LSS: variants seen among roughly 807,000 people sequenced by gnomAD.
LSS encodes the protein lanosterol synthase.
LSS carries 90 observed loss-of-function variants against 110.3 expected under a neutral mutation model. The observed-to-expected ratio is 0.82, with a 90% CI of 0.69 to 0.97. The LOEUF is 0.97. Among genes scored for constraint, LSS ranks in the 50% least tolerant of loss-of-function variants. The pLI is 0.00. For synonymous variants in LSS, 433 were observed against 400.0 expected (o/e 1.08, Z -0.98); for missense variants, 927 against 990.0 (o/e 0.94, Z 0.85).
Position 46,191,206 on chromosome 21 carries a change from G to A in LSS, c.2097C>T (p.Ser699=). 5 of 1,614,100 alleles carry A rather than the reference G, an allele frequency of 3.1e-6. No homozygotes were observed. The highest frequency in any genetic ancestry group is 1.3e-5 in the African/African-American group (1 of 75,022). The change falls in exon 22 of 22, where the codon TCC becomes TCT. Residue 699 remains serine (S), a synonymous_variant. Coordinates refer to ENST00000397728, the MANE Select transcript of LSS (RefSeq NM_002340.6). ...TGTAGCTCGTGTAGGAGATGGCACAGGACTTGTTGAAGACCCCAGCAATGT... is the reference window on the plus strand; with the variant it reads ...TGTAGCTCGTGTAGGAGATGGCACAAGACTTGTTGAAGACCCCAGCAATGT... ...QENIAGVFNK[S]CAISYTSYRN... is the part of the protein sequence containing the mutation.
chr21:46,219,139 C>G (rs1390268791), intron 6 of LSS, among the ~76,000 whole-genome samples: 2 of 152,176 alleles, frequency 1.3e-5, no homozygotes. Flanking sequence ...CAACACAGGA[C>G]GCCCCTGTGC....
chr21:46,217,925 C>T (rs2080227641), intron 6 of LSS, among the ~76,000 whole-genome samples: 1 of 152,198 alleles, frequency 6.6e-6, no homozygotes, highest in South Asian at 2.1e-4. Flanking sequence ...CCTAACCCTG[C>T]CCCCTACTCT....
chr21:46,201,113 C>T (rs1390329987), intron 17 of LSS, among the ~76,000 whole-genome samples: 5 of 139,366 alleles, frequency 3.6e-5, no homozygotes, highest in Non-Finnish European at 7.5e-5. Flanking sequence ...CAGGGTAGAG[C>T]CTGGATCATG....
At chr21:46,207,656 C>T in intron 14 of LSS, 79 bp from the exon 15 acceptor site, 1 of 1,480,880 alleles carries the variant, frequency 6.8e-7, no homozygotes, top group Non-Finnish European at 9.1e-7. Context: ...CCGCACGCAT[C>T]CCTCCCCACC....
chr21:46,204,986 G>A (rs1003956957), intron 17 of LSS, among the ~76,000 whole-genome samples: 1 of 152,126 alleles, frequency 6.6e-6, no homozygotes, highest in African/African-American at 2.4e-5. Context: ...GTCTACACCA[G>A]GTTGAACAAA....
Position 46,221,786 on chromosome 21 carries a change from G to A in LSS, c.550+68C>T, listed in dbSNP as rs2839157. 4.4e-6 allele frequency: 7 copies of A among 1,603,968 alleles called. No individual in the cohort carries two copies. In the Admixed American group the frequency reaches 6.7e-5, roughly 15 times the overall value. ...AGCTGCAAGTGCATCTTTCTGTATC[G>A]CGTTTGTGAGAGCTCATTATCGAGT... On this transcript the variant is annotated intron_variant, in intron 5 of 21. Coordinates refer to ENST00000397728, the MANE Select transcript of LSS (RefSeq NM_002340.6).
At chr21:46,201,169 T>G in intron 17 of LSS, among the ~76,000 whole-genome samples, 1 of 109,818 alleles carries the variant, frequency 9.1e-6, no homozygotes. Context: ...CTGGATCACG[T>G]GGGAGGACAG....
In LSS at chr21:46,216,440, G is replaced by A. The variant is rs138974013; in HGVS notation, c.732C>T (p.Tyr244=). Residue 244 remains tyrosine, a synonymous_variant, in exon 7 of 22, where the codon TAC becomes TAT. Coordinates refer to ENST00000397728, the MANE Select transcript of LSS (RefSeq NM_002340.6). This position sits in a 1 kb window ranked among gnomAD's most constrained non-coding sequence, Gnocchi z 4.2. ...RQVYLPMSYC[Y]AVRLSAAEDP... The stretch of plus-strand genomic sequence containing the variant: ...CTTCCGCGGCACTCAGCCGAACGGC[G>A]TAGCAGTAGCTCATGGGCAGGTACA... 2.3e-4 allele frequency: 370 copies of A among 1,613,802 alleles called. 3 individuals are homozygous for A. Among genetic ancestry groups the A allele is most frequent in the South Asian group, 1.5e-3 (134 of 91,082 alleles).
chr21:46,212,980 C>G, intron 11 of LSS, 45 bp downstream of exon 11: 1 of 1,612,056 alleles, frequency 6.2e-7, no homozygotes, highest in South Asian at 1.1e-5. Flanking sequence ...AAAGGGGAGA[C>G]ATGATTGCAA....
At position 46,188,733 on chromosome 21, in the gene LSS, T is replaced by G. The variant is rs897599298; in HGVS notation, c.*2371A>C. On this transcript the variant is annotated 3_prime_UTR_variant, in exon 22 of 22. Coordinates refer to ENST00000397728, the MANE Select transcript of LSS (RefSeq NM_002340.6). ...CACAGATGTGATTTCTAAAGAAGAC[T>G]GAAGGCAGGGATACTGACACTGAAG... 2 of 471,082 alleles carry G rather than the reference T, an allele frequency of 4.2e-6. No homozygotes were observed. The highest frequency in any genetic ancestry group is 4.0e-5 in the African/African-American group (2 of 50,084). The allele number at this position is 471,082 out of a possible 1,614,324, so 29.2% of individuals were successfully genotyped here. A position where few individuals can be genotyped will look rare whatever the true frequency, so the allele number is the denominator to read the frequency against.
intron 10 of LSS, 95 bp from the exon 11 acceptor site, chr21:46,213,147 C>T (rs745475201): frequency 7.8e-5 from 95 of 1,211,598 alleles, no homozygotes; most frequent in Non-Finnish European, 1.0e-4. Flanking sequence ...CCAGAGAGGC[C>T]GTCTGTCCCC....
At chr21:46,204,217 C>T (rs930269796) in intron 17 of LSS, among the ~76,000 whole-genome samples, 7 of 152,132 alleles carry the variant, frequency 4.6e-5, no homozygotes. Flanking sequence ...ATCGCTTGAA[C>T]CCCGGAAACG....
At chr21:46,214,503 CTCAG>C (rs1208180895) in intron 9 of LSS, among the ~76,000 whole-genome samples, 4 of 152,200 alleles carry the variant, frequency 2.6e-5, no homozygotes, top group Admixed American at 1.3e-4. Flanking sequence ...CAGGGTGGGA[CTCAG>C]TGGCCCAGTG....
chr21:46,188,876 C>A lies in LSS; in HGVS notation c.*2228G>T. On this transcript the variant is annotated 3_prime_UTR_variant, in exon 22 of 22. Coordinates refer to ENST00000397728, the MANE Select transcript of LSS (RefSeq NM_002340.6). ...AGTTCCTCCTATGTGGACATTGTAT[C>A]ACGTTTATTTATCTTCCTGGATATG... 2.3e-6 allele frequency: 1 copy of A among 435,460 alleles called. No individual in the cohort carries two copies. Among genetic ancestry groups the A allele is most frequent in the Non-Finnish European group, 4.8e-6 (1 of 207,794 alleles). 27.0% of individuals were successfully genotyped at this position (435,460 alleles called of 1,614,324 possible).
Position 46,221,974 on chromosome 21 carries a change from G to A in LSS, c.430C>T (p.His144Tyr). 2.5e-6 allele frequency: 4 copies of A among 1,614,136 alleles called. No individual in the cohort carries two copies. Among genetic ancestry groups the A allele is most frequent in the Non-Finnish European group, 3.4e-6 (4 of 1,180,024 alleles). Reference protein sequence around the residue: ...VQLPDGGWGLHIEDKSTVFGT... With the variant: ...VQLPDGGWGLYIEDKSTVFGT... ...AACACGGTGGACTTATCCTCAATGT[G>A]CCTACAGGAGCAGAGGACAGGTGAG... Residue 144 changes from histidine to tyrosine, a missense_variant and splice_region_variant, in exon 5 of 22, where the codon CAC becomes TAC. Physicochemically the swap from His to Tyr is moderately conservative, Grantham distance 83 (BLOSUM62 2). Transcript: ENST00000397728.
rs1174337900 is a variant in LSS at position 46,222,738 on chromosome 21, C to T, written c.320G>A (p.Gly107Asp). 6.2e-7 allele frequency: 1 copy of T among 1,612,328 alleles called. No homozygotes were observed. Among genetic ancestry groups the T allele is most frequent in the Non-Finnish European group, 8.5e-7 (1 of 1,178,950 alleles). ...TGCCACGTGGCAAGTGATCAGGAGG[C>T]CTGTGTGGCAGGAGAGATGTTCCTC... ...DYGGPLFLLP[G>D]LLITCHVARI... The change falls in exon 4 of 22, where the codon GGC becomes GAC. Residue 107 changes from glycine (G) to aspartate (D), a missense_variant and splice_region_variant. Coordinates refer to ENST00000397728, the MANE Select transcript of LSS (RefSeq NM_002340.6).
intron 17 of LSS, among the ~76,000 whole-genome samples, chr21:46,203,560 G>C (rs2080007421): frequency 6.6e-6 from 1 of 152,258 alleles, no homozygotes; most frequent in Non-Finnish European, 1.5e-5. Context: ...TTTTATTACA[G>C]TGATTTTTAA....
Position 46,209,265 on chromosome 21 carries a change from G to C in LSS, c.1266+289C>G, listed in dbSNP as rs912727267. 6.6e-6 allele frequency among the ~76,000 whole-genome samples: 1 copy of C among 152,136 alleles called. No individual in the cohort carries two copies. Among genetic ancestry groups the C allele is most frequent in the African/African-American group, 2.4e-5 (1 of 41,422 alleles). The stretch of plus-strand genomic sequence containing the variant: ...GTGCAGCTCAGGGTACACAGCCCCT[G>C]CCCGTGCCTGGCCCTTGCACACAGT... On this transcript the variant is annotated intron_variant, in intron 13 of 21. Coordinates refer to ENST00000397728, the MANE Select transcript of LSS (RefSeq NM_002340.6). The surrounding 1 kb of genome is among the most constrained non-coding windows in gnomAD (Gnocchi z 4.4).
chr21:46,206,239 G>T (rs1357638300), intron 16 of LSS, among the ~76,000 whole-genome samples: 1 of 152,196 alleles, frequency 6.6e-6, no homozygotes, highest in Non-Finnish European at 1.5e-5. Context: ...CCAGGGCTGA[G>T]ATCCTCCCCC....
Sources: allele counts gnomAD v4.1 joint callset (sites outside exome capture counted in the v4.1 genomes callset), GRCh38; gene constraint gnomAD v4.1.1; non-coding constraint Gnocchi (gnomAD v3.1); transcripts MANE v1.5; gene names NCBI Gene and HGNC (gene_info 2026-07-23, HGNC 2026-07-21).